The following CTNNA2 variants were observed in gnomAD, a reference collection of about 807,000 sequenced individuals.
The protein encoded by CTNNA2 is catenin alpha 2, also known as catenin alpha-2.
A neutral mutation model predicts 101.0 loss-of-function variants in CTNNA2; 42 were observed. That is an observed-to-expected ratio of 0.42 (90% CI 0.32 to 0.54). The LOEUF (loss-of-function observed/expected upper bound fraction) is 0.54, where lower values mean the gene tolerates loss of function less well. Among genes scored for constraint, CTNNA2 ranks in the 20% least tolerant of loss-of-function variants. The probability of loss-of-function intolerance (pLI) is 0.14; values close to 1 mark genes in which losing one functional copy is unlikely to be tolerated. For synonymous variants in CTNNA2, 450 were observed against 456.4 expected (o/e 0.99, Z 0.18); for missense variants, 871 against 1,223.1 (o/e 0.71, Z 4.29).
intron 7 of CTNNA2, among the ~76,000 whole-genome samples, chr2:80,101,569 G>T (rs116512291): frequency 6.6e-6 from 1 of 152,236 alleles, no homozygotes; most frequent in Admixed American, 6.5e-5. Context: ...TCCTAATAGC[G>T]AAAGGAAGAA....
chr2:80,262,922 TAATAAAAACAACAATATTGAC>T (rs1672723225), intron 7 of CTNNA2, among the ~76,000 whole-genome samples: 1 of 55,444 alleles, frequency 1.8e-5, no homozygotes, highest in South Asian at 3.8e-4. Context: ...TTGACAAAAA[TAATAAAAACAACAATATTGAC>T]AAAAATAATA....
chr2:80,394,284 G>A (rs2149368770), intron 8 of CTNNA2, among the ~76,000 whole-genome samples: 1 of 152,316 alleles, frequency 6.6e-6, no homozygotes, highest in South Asian at 2.1e-4. Flanking sequence ...GAAATGATTT[G>A]AATGAGAGGA....
At chr2:79,471,447 A>G (rs1055607186) in intron 4 of CTNNA2, among the ~76,000 whole-genome samples, 3 of 152,168 alleles carry the variant, frequency 2.0e-5, no homozygotes, top group Admixed American at 6.5e-5. Flanking sequence ...AAAGAGACTG[A>G]GGGCTCTCAT....
chr2:80,262,133 A>G (rs1276676886), intron 7 of CTNNA2, among the ~76,000 whole-genome samples: 1 of 152,170 alleles, frequency 6.6e-6, no homozygotes, highest in Non-Finnish European at 1.5e-5. Flanking sequence ...TACCACCTGG[A>G]AAGACCTACT....
chr2:79,663,628 G>T (rs1264598563), intron 2 of CTNNA2, among the ~76,000 whole-genome samples: 1 of 151,920 alleles, frequency 6.6e-6, no homozygotes, highest in Non-Finnish European at 1.5e-5. Context: ...GACCTTTTCT[G>T]ACCACTCTTT....
chr2:80,093,002 T>C (rs952180390), intron 7 of CTNNA2, among the ~76,000 whole-genome samples: 3 of 152,102 alleles, frequency 2.0e-5, no homozygotes, highest in Non-Finnish European at 2.9e-5. Context: ...TCAATTCTTT[T>C]TTTTTAAATT....
intron 7 of CTNNA2, among the ~76,000 whole-genome samples, chr2:80,103,425 C>T (rs890202086): frequency 1.8e-4 from 27 of 152,186 alleles, no homozygotes; most frequent in African/African-American, 5.8e-4. Flanking sequence ...TCATTTTGCC[C>T]GTATTACCTT....
intron 4 of CTNNA2, among the ~76,000 whole-genome samples, chr2:79,501,697 A>T (rs1194173099): frequency 6.6e-6 from 1 of 152,222 alleles, no homozygotes; most frequent in Non-Finnish European, 1.5e-5. Context: ...TTCAGGGAAG[A>T]TCACAAATCC....
intron 9 of CTNNA2, among the ~76,000 whole-genome samples, chr2:80,516,190 A>T (rs1453099328): frequency 6.6e-6 from 1 of 152,224 alleles, no homozygotes; most frequent in African/African-American, 2.4e-5. Context: ...GACTGAGCTG[A>T]TTGGCTAATA....
intron 3 of CTNNA2, among the ~76,000 whole-genome samples, chr2:79,342,579 T>C (rs755208959): frequency 1.8e-4 from 28 of 152,242 alleles, no homozygotes; most frequent in Non-Finnish European, 2.8e-4. Context: ...TTTAGTTATC[T>C]CATTTAATTA....
chr2:80,103,761 G>C (rs774048533), intron 7 of CTNNA2, among the ~76,000 whole-genome samples: 1 of 152,148 alleles, frequency 6.6e-6, no homozygotes, highest in Non-Finnish European at 1.5e-5. Flanking sequence ...TTGAGACAGA[G>C]TCTCACTCTG....
At chr2:79,901,682 G>A (rs10211168) in intron 6 of CTNNA2, among the ~76,000 whole-genome samples, 7,745 of 152,186 alleles carry the variant, frequency 0.051, 647 homozygotes, top group African/African-American at 0.17. Flanking sequence ...GTAAAGATGA[G>A]TAAGATTTTC....
intron 1 of CTNNA2, among the ~76,000 whole-genome samples, chr2:79,567,700 G>A (rs1675199905): frequency 1.3e-5 from 2 of 152,044 alleles, no homozygotes; most frequent in South Asian, 4.1e-4. Flanking sequence ...GTTGCAGCCT[G>A]AGATTGGGTG....
rs368510654 is a variant in CTNNA2 at position 80,302,817 on chromosome 2, G to A, written c.1057-90394G>A. ...GCGCACTGCAAGTTGCCATCGTAGC[G>A]CCCCTGGAAGTTGTTGAGCCACGAG... On this transcript the variant is annotated intron_variant, in intron 7 of 18. Transcript: ENST00000402739. This position sits in a 1 kb window ranked among gnomAD's most constrained non-coding sequence, Gnocchi z 6.4. 1.9e-6 allele frequency: 3 copies of A among 1,613,836 alleles called. No homozygotes were observed. The African/African-American group carries it at 4.0e-5, about 22-fold the overall frequency.
chr2:80,589,820 T>G (rs1162630587), intron 15 of CTNNA2, among the ~76,000 whole-genome samples: 1 of 151,384 alleles, frequency 6.6e-6, no homozygotes, highest in Non-Finnish European at 1.5e-5. Context: ...GAAGATAAAG[T>G]GAATGATTTG....
intron 2 of CTNNA2, among the ~76,000 whole-genome samples, chr2:79,711,347 C>T (rs775822155): frequency 6.6e-6 from 1 of 152,062 alleles, no homozygotes; most frequent in Non-Finnish European, 1.5e-5. Flanking sequence ...TCCAGATATG[C>T]TGGAGGAGGA....
At chr2:79,690,234 A>T (rs1182335878) in intron 2 of CTNNA2, among the ~76,000 whole-genome samples, 1 of 152,078 alleles carries the variant, frequency 6.6e-6, no homozygotes, top group African/African-American at 2.4e-5. Flanking sequence ...GATTAAAGTG[A>T]TAGAGATGTC....
intron 7 of CTNNA2, among the ~76,000 whole-genome samples, chr2:80,109,116 C>T (rs1239088732): frequency 6.6e-6 from 1 of 152,162 alleles, no homozygotes; most frequent in Non-Finnish European, 1.5e-5. Context: ...TAGGATTGTT[C>T]CATGAACAAA....
At chr2:79,575,525 T>G (rs1675739748) in intron 1 of CTNNA2, 1 of 152,180 alleles carries the variant, frequency 6.6e-6, no homozygotes, top group African/African-American at 2.4e-5. Flanking sequence ...TGTGCACAGG[T>G]CAAAATCCTG....
Sources: allele counts gnomAD v4.1 joint callset (sites outside exome capture counted in the v4.1 genomes callset), GRCh38; gene constraint gnomAD v4.1.1; non-coding constraint Gnocchi (gnomAD v3.1); transcripts MANE v1.5; gene names NCBI Gene and HGNC (gene_info 2026-07-23, HGNC 2026-07-21).